Variants in TNRC6B observed in about 807,000 individuals in gnomAD.
The protein encoded by TNRC6B is trinucleotide repeat containing adaptor 6B, also known as trinucleotide repeat-containing gene 6B protein.
A neutral mutation model predicts 203.6 loss-of-function variants in TNRC6B; 52 were observed. The ratio of observed to expected loss-of-function variants is 0.26; its 90% confidence interval spans 0.20 to 0.32. The LOEUF (loss-of-function observed/expected upper bound fraction) is 0.32, where lower values mean the gene tolerates loss of function less well. TNRC6B is among the 10% of genes least tolerant of loss of function. TNRC6B has a pLI of 1.00. For synonymous variants in TNRC6B, 838 were observed against 845.7 expected, an observed-to-expected ratio of 0.99 and a Z score of 0.16; for missense variants, 1,923 against 2,286.2, an observed-to-expected ratio of 0.84 and a Z score of 3.24.
intron 1 of TNRC6B, among the ~76,000 whole-genome samples, chr22:40,236,701 C>G (rs981318430): frequency 1.3e-5 from 2 of 152,168 alleles, no homozygotes; most frequent in African/African-American, 4.8e-5. Context: ...CCTGGCTGTT[C>G]TTCTGAATTA....
Position 40,182,721 on chromosome 22 carries a change from C to A in TNRC6B, c.5+4581C>A, listed in dbSNP as rs527353237. On this transcript the variant is annotated intron_variant, in intron 1 of 22. Coordinates refer to ENST00000454349, the MANE Select transcript of TNRC6B (RefSeq NM_001162501.2). The stretch of plus-strand genomic sequence containing the variant: ...GCTTTAGGTTATGACTGAGATAACT[C>A]CTTAGTTATCTTTTCTGATAATCAG... Among the ~76,000 whole-genome samples, 323 of 152,182 alleles carry A rather than the reference C, an allele frequency of 2.1e-3. 1 individual carries two copies. Among genetic ancestry groups the A allele is most frequent in the Non-Finnish European group, 3.9e-3 (265 of 68,026 alleles).
intron 19 of TNRC6B, among the ~76,000 whole-genome samples, chr22:40,313,980 C>T (rs930772440): frequency 2.0e-5 from 3 of 152,290 alleles, no homozygotes; most frequent in South Asian, 2.1e-4. Flanking sequence ...CTCAATATTC[C>T]GGGTTTTGAA....
At chr22:40,311,604 C>T (rs2071183198) in intron 17 of TNRC6B, among the ~76,000 whole-genome samples, 1 of 150,218 alleles carries the variant, frequency 6.7e-6, no homozygotes, top group Admixed American at 6.7e-5. Context: ...TGCAGTGGTG[C>T]GATCTTGGTT....
chr22:40,279,492 A>C (rs1049536735), intron 9 of TNRC6B, among the ~76,000 whole-genome samples: 3 of 152,206 alleles, frequency 2.0e-5, no homozygotes, highest in African/African-American at 7.2e-5. Flanking sequence ...TTCTGTGTTC[A>C]GCTCTTAAGT....
Position 40,265,556 on chromosome 22 carries a change from T to G in TNRC6B, c.1326T>G (p.Asn442Lys). ...CTGACACAGTCTCTGGACAAAGCAA[T>G]TCTGGAAACAATGGGAACAATGGAA... ...SGTDTVSGQS[N>K]SGNNGNNGKE... The change falls in exon 5 of 23, where the codon AAT (asparagine) becomes AAG (lysine). Residue 442 changes from asparagine to lysine, a missense_variant. Around this residue, in one of 8 missense-constraint regions of TNRC6B, gnomAD observed 614 missense variants for 587.7 expected, o/e 1.04. Transcript: ENST00000454349. 1 of 1,613,698 alleles carries G rather than the reference T, an allele frequency of 6.2e-7. No homozygotes were observed. Among genetic ancestry groups the G allele is most frequent in the East Asian group, 2.2e-5 (1 of 44,870 alleles).
At chr22:40,224,639 C>T (rs2069759105) in intron 1 of TNRC6B, among the ~76,000 whole-genome samples, 1 of 152,126 alleles carries the variant, frequency 6.6e-6, no homozygotes, top group Non-Finnish European at 1.5e-5. Flanking sequence ...AGTCTTTGTT[C>T]GTTCTGCATT....
At chr22:40,271,557 T>G (rs1484592591) in intron 6 of TNRC6B, among the ~76,000 whole-genome samples, 1 of 152,232 alleles carries the variant, frequency 6.6e-6, no homozygotes, top group South Asian at 2.1e-4. Flanking sequence ...TCATTATTTC[T>G]ATTGTGAAAT....
intron 2 of TNRC6B, among the ~76,000 whole-genome samples, chr22:40,247,292 T>C (rs1411400281): frequency 6.6e-6 from 1 of 152,200 alleles, no homozygotes; most frequent in Non-Finnish European, 1.5e-5. Context: ...TAATTGAAGC[T>C]AAGTTTAGGG....
intron 4 of TNRC6B, among the ~76,000 whole-genome samples, chr22:40,169,834 T>G (rs2068954842): frequency 6.6e-6 from 1 of 152,176 alleles, no homozygotes; most frequent in Admixed American, 6.6e-5. Flanking sequence ...TCACATATCA[T>G]ATTAAATACG....
intron 1 of TNRC6B, among the ~76,000 whole-genome samples, chr22:40,049,748 C>T (rs771167639): frequency 2.0e-5 from 3 of 152,082 alleles, no homozygotes; most frequent in Non-Finnish European, 4.4e-5. Context: ...GGATTGCAGG[C>T]GCACACCACC....
chr22:40,272,267 A>G (rs2070575546), intron 6 of TNRC6B, among the ~76,000 whole-genome samples: 6 of 152,072 alleles, frequency 3.9e-5, no homozygotes, highest in Admixed American at 3.9e-4. Flanking sequence ...GCTACAATGA[A>G]CCCCACTGGG....
chr22:40,284,936 T>C (rs1324028827), intron 11 of TNRC6B, among the ~76,000 whole-genome samples: 1 of 152,194 alleles, frequency 6.6e-6, no homozygotes, highest in Non-Finnish European at 1.5e-5. Context: ...AGTTATCTCA[T>C]TGGAATAGTG....
intron 1 of TNRC6B, among the ~76,000 whole-genome samples, chr22:40,085,710 T>G (rs2068094336): frequency 1.3e-5 from 2 of 152,244 alleles, no homozygotes; most frequent in Non-Finnish European, 2.9e-5. Context: ...TAATAACCAG[T>G]TGTTTCATCT....
At chr22:40,223,257 C>T (rs1834435044) in intron 1 of TNRC6B, among the ~76,000 whole-genome samples, 1 of 152,150 alleles carries the variant, frequency 6.6e-6, no homozygotes, top group Non-Finnish European at 1.5e-5. Context: ...TCTCCTGCCT[C>T]AGCCTGCTGA....
At position 40,277,073 on chromosome 22, in the gene TNRC6B, G is replaced by T; in HGVS notation, c.3142-4G>T. 1 of 1,595,472 alleles carries T rather than the reference G, an allele frequency of 6.3e-7. No individual in the cohort carries two copies. The highest frequency in any genetic ancestry group is 8.5e-7 in the Non-Finnish European group (1 of 1,172,758). On this transcript the variant is annotated splice_region_variant and splice_polypyrimidine_tract_variant and intron_variant, in intron 7 of 22. Transcript: ENST00000454349. ...TTCTGAGGTTCCGTGTTTCATTTCT[G>T]TAGTGCTCACTCAAAGGAGGAAACA...
At chr22:40,296,990 T>C (rs1318346069) in intron 12 of TNRC6B, among the ~76,000 whole-genome samples, 1 of 152,192 alleles carries the variant, frequency 6.6e-6, no homozygotes, top group Non-Finnish European at 1.5e-5. Context: ...GCTAGAAGAC[T>C]AATGAACTTG....
chr22:40,094,296 C>A (rs1253958030), intron 1 of TNRC6B, among the ~76,000 whole-genome samples: 1 of 151,754 alleles, frequency 6.6e-6, no homozygotes, highest in African/African-American at 2.4e-5. Flanking sequence ...TTTTATGCTC[C>A]ATTAAGAAAG....
At chr22:40,148,006 G>A (rs962561123) in intron 3 of TNRC6B, among the ~76,000 whole-genome samples, 1 of 152,114 alleles carries the variant, frequency 6.6e-6, no homozygotes, top group African/African-American at 2.4e-5. Context: ...ACTGAATTGT[G>A]TACTTTAAAC....
chr22:40,238,252 TGTG>T (rs756985496), intron 1 of TNRC6B, among the ~76,000 whole-genome samples: 4 of 152,194 alleles, frequency 2.6e-5, no homozygotes, highest in East Asian at 1.9e-4. Context: ...CGTTCTCTAG[TGTG>T]GTGGGTGCTC....
Sources: gnomAD v4.1 joint callset for allele counts (sites outside exome capture counted in the v4.1 genomes callset) on GRCh38, gnomAD v4.1.1 for gene constraint, gnomAD v4.1.1 regional missense constraint, MANE v1.5 for transcripts, NCBI Gene and HGNC (gene_info 2026-07-23, HGNC 2026-07-21) for gene names.